SMARCA4: variants seen among roughly 807,000 people sequenced by gnomAD.
SMARCA4 encodes the protein SWI/SNF related BAF chromatin remodeling complex subunit ATPase 4.
In SMARCA4, 31 loss-of-function variants were observed where a neutral mutation model predicts 193.9. That is an observed-to-expected ratio of 0.16 (90% CI 0.12 to 0.22). The LOEUF (loss-of-function observed/expected upper bound fraction) is 0.22. SMARCA4 is among the 10% of genes least tolerant of loss of function. The pLI is 1.00. For synonymous variants in SMARCA4, 942 were observed against 933.1 expected (o/e 1.01, Z -0.17); for missense variants, 1,148 against 2,296.0 (o/e 0.50, Z 10.22).
rs536795031 is a variant in SMARCA4, at chr19:11,027,844, C to G, written c.3276C>G (p.Leu1092=). The change falls in exon 24 of 35, where the codon CTC becomes CTG. Residue 1092 remains leucine, a synonymous_variant. Transcript: ENST00000344626. ...TTCTTGATAGAATTCTTCCCAAACTCCGAGCAACCAACCACAAAGTGCTGC... is the reference window on the plus strand; with the variant it reads ...TTCTTGATAGAATTCTTCCCAAACTGCGAGCAACCAACCACAAAGTGCTGC... The part of the protein sequence containing the change: ...FELLDRILPK[L]RATNHKVLLF... 5.0e-6 allele frequency: 8 copies of G among 1,614,162 alleles called. No individual in the cohort carries two copies. The Admixed American group carries it at 1.3e-4, about 27-fold the overall frequency.
chr19:11,049,194 C>T lies in SMARCA4; in HGVS notation c.4424+7634C>T, dbSNP rs1600539187. ...AGAGAGGACACAGTGCATGCAGAGG[C>T]TGGAGGGAGGCTAGGGGCTTGAGTG... On this transcript the variant is annotated intron_variant, in intron 30 of 34. Transcript: ENST00000344626. 2.0e-5 allele frequency among the ~76,000 whole-genome samples: 3 copies of T among 152,262 alleles called. No homozygotes were observed. The East Asian group carries it at 5.8e-4, about 29-fold the overall frequency.
chr19:11,044,847 G>A (rs1474702753), intron 30 of SMARCA4, among the ~76,000 whole-genome samples: 3 of 152,200 alleles, frequency 2.0e-5, no homozygotes, highest in Non-Finnish European at 2.9e-5. Flanking sequence ...ACCGACAGAC[G>A]TGTCCATAGC....
At chr19:10,968,869 A>C (rs749864925) in intron 1 of SMARCA4, among the ~76,000 whole-genome samples, 1 of 152,146 alleles carries the variant, frequency 6.6e-6, no homozygotes, top group Admixed American at 6.5e-5. Context: ...GTGATGATCA[A>C]ATGTGATTCT....
At chr19:11,042,814 C>T (rs1374866604) in intron 30 of SMARCA4, among the ~76,000 whole-genome samples, 1 of 151,718 alleles carries the variant, frequency 6.6e-6, no homozygotes, top group South Asian at 2.1e-4. Context: ...TGGTGAAAAC[C>T]CATCTTTACT....
At chr19:11,003,491 C>T in intron 13 of SMARCA4, 94 bp downstream of exon 13, 1 of 1,220,352 alleles carries the variant, frequency 8.2e-7, no homozygotes, top group Non-Finnish European at 1.2e-6. Context: ...CCTGGCTGGG[C>T]ATCTTGTGGG....
chr19:10,986,865 G>A lies in SMARCA4; in HGVS notation c.761-40G>A. On this transcript the variant is annotated intron_variant, in intron 4 of 34. Coordinates refer to ENST00000344626, the MANE Select transcript of SMARCA4 (RefSeq NM_003072.5). The surrounding 1 kb of genome is among the most constrained non-coding windows in gnomAD (Gnocchi z 6.7). ...CGGGGCTGGGCGCAGGCATAAACCT[G>A]GGACGCACTGTTTTCTCTTTTGTTT... 6.5e-7 allele frequency: 1 copy of A among 1,532,970 alleles called. No individual in the cohort carries two copies. Among genetic ancestry groups the A allele is most frequent in the Admixed American group, 1.7e-5 (1 of 59,924 alleles). 95.0% of individuals were successfully genotyped at this position (1,532,970 alleles called of 1,614,324 possible). A position where few individuals can be genotyped will look rare whatever the true frequency, so the allele number is the denominator to read the frequency against.
At chr19:10,998,866 CCAACT>C (rs2087339563) in intron 11 of SMARCA4, among the ~76,000 whole-genome samples, 1 of 151,718 alleles carries the variant, frequency 6.6e-6, no homozygotes, top group African/African-American at 2.4e-5. Context: ...CTCTCTGGAG[CCAACT>C]CTTTCTCCAG....
At chr19:10,995,165 C>T (rs564812027) in intron 9 of SMARCA4, 164 bp downstream of exon 9, 12 of 712,660 alleles carry the variant, frequency 1.7e-5, no homozygotes, top group African/African-American at 3.5e-5. Flanking sequence ...GTCCTGGGCT[C>T]GGATATTTGC....
intron 30 of SMARCA4, among the ~76,000 whole-genome samples, chr19:11,045,951 T>C (rs1161800474): frequency 6.6e-6 from 1 of 150,902 alleles, no homozygotes; most frequent in Non-Finnish European, 1.5e-5. Context: ...AGTCTGGGTG[T>C]GGTGGCTCAC....
Position 11,041,198 on chromosome 19 carries a change from G to A in SMARCA4, c.4171-109G>A. On this transcript the variant is annotated intron_variant, in intron 29 of 34. Coordinates refer to ENST00000344626, the MANE Select transcript of SMARCA4 (RefSeq NM_003072.5). The surrounding 1 kb of genome is among the most constrained non-coding windows in gnomAD (Gnocchi z 5.6). ...GCCAGTCAAGCTGAAGGGAGAGCGG[G>A]TGCGGGGGCCCTCCTCCGTGTCCCA... 3 of 1,186,740 alleles carry A rather than the reference G, an allele frequency of 2.5e-6. No homozygotes were observed. Among genetic ancestry groups the A allele is most frequent in the Admixed American group, 4.1e-5 (2 of 49,246 alleles). 73.5% of individuals were successfully genotyped at this position (1,186,740 alleles called of 1,614,324 possible).
At chr19:10,977,781 G>A (rs2085261328) in intron 1 of SMARCA4, 1 of 152,382 alleles carries the variant, frequency 6.6e-6, no homozygotes, top group African/African-American at 2.4e-5. Context: ...GGGGCACCTT[G>A]GTTTCACCAG....
chr19:10,998,203 T>C (rs1252241114), intron 11 of SMARCA4, among the ~76,000 whole-genome samples: 1 of 152,216 alleles, frequency 6.6e-6, no homozygotes, highest in Non-Finnish European at 1.5e-5. Context: ...AGCTATGTCA[T>C]CCAGTGGCCC....
chr19:10,970,103 T>A (rs2084558847), intron 1 of SMARCA4, among the ~76,000 whole-genome samples: 1 of 152,170 alleles, frequency 6.6e-6, no homozygotes, highest in African/African-American at 2.4e-5. Flanking sequence ...TTTATGCTTA[T>A]GAGGTGATTT....
chr19:11,013,249 A>C, intron 16 of SMARCA4, 137 bp downstream of exon 16: 1 of 951,266 alleles, frequency 1.1e-6, no homozygotes, highest in South Asian at 1.4e-5. Context: ...CCAGAAGTCC[A>C]GGGTCAAGGT....
At chr19:10,996,878 T>C (rs1188349924) in intron 11 of SMARCA4, among the ~76,000 whole-genome samples, 1 of 152,162 alleles carries the variant, frequency 6.6e-6, no homozygotes, top group Non-Finnish European at 1.5e-5. Flanking sequence ...TGTGTTTTGT[T>C]TTGTTTCTTT....
intron 19 of SMARCA4, among the ~76,000 whole-genome samples, chr19:11,022,925 A>G (rs540946082): frequency 2.6e-5 from 4 of 152,376 alleles, no homozygotes; most frequent in African/African-American, 9.6e-5. Context: ...TTGCCAGGGA[A>G]GCAATAGAAG....
intron 1 of SMARCA4, among the ~76,000 whole-genome samples, chr19:10,967,291 TTTTTATTTTA>T (rs769814290): frequency 7.3e-5 from 11 of 150,516 alleles, no homozygotes; most frequent in South Asian, 4.2e-4. Context: ...GGCTTTCTTG[TTTTTATTTTA>T]TTTTATTTTA....
intron 1 of SMARCA4, among the ~76,000 whole-genome samples, chr19:10,968,296 T>A (rs920148287): frequency 6.6e-6 from 1 of 152,170 alleles, no homozygotes; most frequent in Admixed American, 6.6e-5. Flanking sequence ...CCTCAAATGT[T>A]TTTTTAAGTC....
chr19:11,024,634 G>T lies in SMARCA4; in HGVS notation c.3081+196G>T, dbSNP rs534831409. On this transcript the variant is annotated intron_variant, in intron 21 of 34. Coordinates refer to ENST00000344626, the MANE Select transcript of SMARCA4 (RefSeq NM_003072.5). ...CTCAGCTGCCAGTGGCTTCTCCTTT[G>T]CCTATGAAACACTGGCTCCTTCTGC... 2.0e-3 allele frequency among the ~76,000 whole-genome samples: 302 copies of T among 152,282 alleles called. 2 individuals are homozygous for T. Among genetic ancestry groups the T allele is most frequent in the African/African-American group, 7.0e-3 (291 of 41,550 alleles).
Sources: gnomAD v4.1 joint callset for allele counts (sites outside exome capture counted in the v4.1 genomes callset) on GRCh38, gnomAD v4.1.1 for gene constraint, Gnocchi (gnomAD v3.1) non-coding constraint, MANE v1.5 for transcripts, NCBI Gene and HGNC (gene_info 2026-07-23, HGNC 2026-07-21) for gene names.